The following CHMP3 variants were observed in gnomAD, a reference collection of about 807,000 sequenced individuals.
The protein encoded by CHMP3 is charged multivesicular body protein 3, also known as 25.1 protein.
Under a neutral mutation model 27.4 loss-of-function variants are expected in CHMP3, and 8 were observed. The observed-to-expected ratio is 0.29, with a 90% CI of 0.17 to 0.53. CHMP3 has a LOEUF of 0.53. CHMP3 is among the 20% of genes least tolerant of loss of function. The pLI, the probability that CHMP3 is intolerant of heterozygous loss-of-function variation, is 0.96. For missense variants in CHMP3, 208 were observed against 271.5 expected, an observed-to-expected ratio of 0.77 and a Z score of 1.64; for synonymous variants, 86 against 85.5, an observed-to-expected ratio of 1.01 and a Z score of -0.03.
At position 86,528,993 on chromosome 2, in the gene CHMP3, A is replaced by T. The variant is rs544321268; in HGVS notation, c.286+225T>A. ...TGATAACACTGTTCAATACATTCTA[A>T]CTTCTAAACAAAGCAGATTTATATG... On this transcript the variant is annotated intron_variant, in intron 3 of 5. Coordinates refer to ENST00000263856, the MANE Select transcript of CHMP3 (RefSeq NM_016079.4). 3.2e-4 allele frequency among the ~76,000 whole-genome samples: 49 copies of T among 152,332 alleles called. 1 individual carries two copies. The highest frequency in any genetic ancestry group is 1.5e-4 in the Non-Finnish European group (10 of 68,038).
intron 1 of CHMP3, among the ~76,000 whole-genome samples, chr2:86,550,297 G>A (rs1676851214): frequency 6.6e-6 from 1 of 152,332 alleles, no homozygotes; most frequent in African/African-American, 2.4e-5. Context: ...AACCACGGGA[G>A]CCCGGGGCAG....
chr2:86,562,594 C>G (rs981014561), intron 1 of CHMP3: 1 of 152,228 alleles, frequency 6.6e-6, no homozygotes, highest in Admixed American at 6.5e-5. Flanking sequence ...GAGAAGTGAA[C>G]TTTCCAGAGA....
intron 1 of CHMP3, among the ~76,000 whole-genome samples, chr2:86,551,096 G>A (rs1676888355): frequency 6.6e-6 from 1 of 152,056 alleles, no homozygotes; most frequent in Admixed American, 6.6e-5. Context: ...CAAACATATA[G>A]CTTAAGTGTC....
At chr2:86,549,057 C>A (rs1419024433) in intron 1 of CHMP3, among the ~76,000 whole-genome samples, 16 of 140,364 alleles carry the variant, frequency 1.1e-4, no homozygotes, top group Non-Finnish European at 1.7e-4. Flanking sequence ...GCAGAGGCGC[C>A]CCCCACTTCC....
At chr2:86,562,998 G>A (rs1053717802) in intron 1 of CHMP3, 2 of 298,900 alleles carry the variant, frequency 6.7e-6, no homozygotes, top group African/African-American at 2.2e-5. Flanking sequence ...TCGTACCAAC[G>A]CGCGCAGGGG....
intron 4 of CHMP3, 77 bp downstream of exon 4, chr2:86,510,281 C>CAAAAACCAA: frequency 7.6e-7 from 1 of 1,323,634 alleles, no homozygotes; most frequent in Non-Finnish European, 1.0e-6. Flanking sequence ...CCCACCCACC[C>CAAAAACCAA]TCATCCCTAG....
intron 1 of CHMP3, among the ~76,000 whole-genome samples, chr2:86,547,470 G>T (rs1676656310): frequency 6.6e-6 from 1 of 152,154 alleles, no homozygotes; most frequent in Non-Finnish European, 1.5e-5. Flanking sequence ...GAAATCTGAA[G>T]AACCAAAAGT....
chr2:86,507,644 C>A, intron 4 of CHMP3, 51 bp from the exon 5 acceptor site: 1 of 1,524,456 alleles, frequency 6.6e-7, no homozygotes, highest in Non-Finnish European at 9.1e-7. Flanking sequence ...CTGTTCCCAT[C>A]AGACACCCTA....
In CHMP3 at chr2:86,504,989, T is replaced by C. The variant is rs1274519800; in HGVS notation, c.*815A>G. The C allele has an allele frequency of 6.6e-6, 1 of 152,244 alleles. No individual in the cohort carries two copies. Among genetic ancestry groups the C allele is most frequent in the Non-Finnish European group, 1.5e-5 (1 of 68,050 alleles). 9.4% of individuals were successfully genotyped at this position (152,244 alleles called of 1,614,324 possible). A position where few individuals can be genotyped will look rare whatever the true frequency, so the allele number is the denominator to read the frequency against. ...GTTATGATGCATGACCACACCTTAG[T>C]GTGCTCCTGGTCAGCTCCTGACTTT... On this transcript the variant is annotated 3_prime_UTR_variant, in exon 6 of 6. Coordinates refer to ENST00000263856, the MANE Select transcript of CHMP3 (RefSeq NM_016079.4).
chr2:86,506,712 A>G (rs1041885414), intron 5 of CHMP3, among the ~76,000 whole-genome samples: 3 of 151,212 alleles, frequency 2.0e-5, no homozygotes, highest in African/African-American at 7.3e-5. Flanking sequence ...GGCTCAAGCA[A>G]TCCTCCCACC....
intron 1 of CHMP3, among the ~76,000 whole-genome samples, chr2:86,547,465 C>G (rs1334369967): frequency 1.3e-5 from 2 of 152,172 alleles, no homozygotes; most frequent in East Asian, 3.8e-4. Flanking sequence ...TAAGAGAAAT[C>G]TGAAGAACCA....
chr2:86,514,683 C>G (rs1675228543), intron 3 of CHMP3, among the ~76,000 whole-genome samples: 1 of 152,168 alleles, frequency 6.6e-6, no homozygotes, highest in Non-Finnish European at 1.5e-5. Context: ...ATGAATCAAT[C>G]TATAAACAAA....
chr2:86,559,989 G>A (rs1054565421), intron 1 of CHMP3, among the ~76,000 whole-genome samples: 5 of 152,152 alleles, frequency 3.3e-5, no homozygotes, highest in Admixed American at 3.3e-4. Context: ...AAAGAGGGCC[G>A]GGCGCGGTGG....
At chr2:86,543,998 A>G (rs1245297341) in intron 1 of CHMP3, among the ~76,000 whole-genome samples, 2 of 152,214 alleles carry the variant, frequency 1.3e-5, no homozygotes, top group Admixed American at 1.3e-4. Context: ...GGCAACCACT[A>G]ATTTGCTTCC....
intron 5 of CHMP3, 96 bp downstream of exon 5, chr2:86,507,383 A>G: frequency 1.0e-6 from 1 of 972,786 alleles, no homozygotes; most frequent in Non-Finnish European, 1.6e-6. Flanking sequence ...TGTAGAAGGG[A>G]GTTAATGCCT....
At chr2:86,506,164 C>T (rs17027280) in intron 5 of CHMP3, among the ~76,000 whole-genome samples, 28,765 of 152,096 alleles carry the variant, frequency 0.19, 3,466 homozygotes, top group African/African-American at 0.33. Flanking sequence ...TTAAGAATCT[C>T]GGTTCTGAAG....
intron 3 of CHMP3, among the ~76,000 whole-genome samples, chr2:86,520,331 G>A (rs1675473381): frequency 1.3e-5 from 2 of 152,122 alleles, no homozygotes; most frequent in Non-Finnish European, 2.9e-5. Context: ...CACCATGGTG[G>A]AAGGCAAAGG....
chr2:86,549,895 G>A (rs1676828872), intron 1 of CHMP3, among the ~76,000 whole-genome samples: 3 of 151,290 alleles, frequency 2.0e-5, no homozygotes, highest in South Asian at 2.1e-4. Flanking sequence ...CCTCCCAGAC[G>A]GGGCGGCCGG....
intron 2 of CHMP3, among the ~76,000 whole-genome samples, chr2:86,539,369 A>T (rs1055791119): frequency 2.6e-5 from 4 of 152,144 alleles, no homozygotes; most frequent in African/African-American, 9.7e-5. Context: ...AGATTCAAAG[A>T]AGTTTACTAA....
Sources: gnomAD v4.1 joint callset for allele counts (sites outside exome capture counted in the v4.1 genomes callset) on GRCh38, gnomAD v4.1.1 for gene constraint, MANE v1.5 for transcripts, NCBI Gene and HGNC (gene_info 2026-07-23, HGNC 2026-07-21) for gene names.